Variants in SCAPER observed in about 807,000 individuals in gnomAD.
SCAPER encodes S-phase cyclin A associated protein in the ER, also known as S phase cyclin A-associated protein in the endoplasmic reticulum.
SCAPER carries 98 observed loss-of-function variants against 182.2 expected under a neutral mutation model. The ratio of observed to expected loss-of-function variants is 0.54; its 90% confidence interval spans 0.46 to 0.64. The LOEUF is 0.64. Ranked by LOEUF, SCAPER falls within the 30% of genes least tolerant of loss-of-function variation. SCAPER has a pLI of 0.00. For missense variants in SCAPER, 1,432 were observed against 1,690.0 expected, an observed-to-expected ratio of 0.85 and a Z score of 2.68; for synonymous variants, 605 against 564.6, an observed-to-expected ratio of 1.07 and a Z score of -1.01.
chr15:76,890,835 T>C (rs1302255731), intron 1 of SCAPER, among the ~76,000 whole-genome samples: 3 of 152,228 alleles, frequency 2.0e-5, no homozygotes, highest in Non-Finnish European at 4.4e-5. Context: ...AGCATCATCC[T>C]GATACCAAAG....
intron 24 of SCAPER, among the ~76,000 whole-genome samples, chr15:76,478,645 G>T (rs145276581): frequency 6.6e-4 from 100 of 152,148 alleles, no homozygotes; most frequent in African/African-American, 2.2e-3. Context: ...ACAGGAGCCC[G>T]AATTTATTTT....
rs1316004052 is a variant in SCAPER, at chr15:76,404,537, C to A, written c.3454G>T (p.Ala1152Ser). The change falls in exon 27 of 32, where the codon GCT becomes TCT. Residue 1152 changes from alanine to serine, a missense_variant. Physicochemically the swap from Ala to Ser is moderately conservative, Grantham distance 99 (BLOSUM62 1). Transcript: ENST00000563290. The stretch of plus-strand genomic sequence containing the variant: ...TAGATGCCTTACCTTCCAGTGACAG[C>A]AAAGCACAGTGTACACATTGCATGT... The part of the protein sequence containing the change: ...LLHAMCTLCF[A>S]VTGRSYSIFD... The A allele has an allele frequency of 6.2e-7, 1 of 1,605,626 alleles. No homozygotes were observed. The highest frequency in any genetic ancestry group is 2.2e-5 in the East Asian group (1 of 44,644).
chr15:76,617,501 C>A (rs911073818), intron 22 of SCAPER, among the ~76,000 whole-genome samples: 11 of 152,296 alleles, frequency 7.2e-5, no homozygotes, highest in Middle Eastern at 3.4e-3. Flanking sequence ...CTAGATAATT[C>A]TTCTCGTCTC....
chr15:76,639,173 A>G (rs1385610685), intron 21 of SCAPER, among the ~76,000 whole-genome samples: 1 of 152,346 alleles, frequency 6.6e-6, no homozygotes, highest in African/African-American at 2.4e-5. Context: ...AGTCAAACCT[A>G]TACCTATAAT....
intron 25 of SCAPER, among the ~76,000 whole-genome samples, chr15:76,459,419 T>G (rs2048983518): frequency 6.6e-6 from 1 of 152,200 alleles, no homozygotes; most frequent in Non-Finnish European, 1.5e-5. Flanking sequence ...ATTGTGATTT[T>G]GATTTGCATT....
chr15:76,532,571 C>A (rs2043772255), intron 23 of SCAPER, among the ~76,000 whole-genome samples: 1 of 152,138 alleles, frequency 6.6e-6, no homozygotes, highest in African/African-American at 2.4e-5. Context: ...TTTCACTCAT[C>A]AATTTTTCTA....
intron 16 of SCAPER, among the ~76,000 whole-genome samples, chr15:76,729,325 C>CAT (rs1555558745): frequency 6.7e-6 from 1 of 149,922 alleles, no homozygotes; most frequent in Non-Finnish European, 1.5e-5. Context: ...CACACACACA[C>CAT]ATATACATAT....
chr15:76,435,895 G>C (rs2047168838), intron 25 of SCAPER, among the ~76,000 whole-genome samples: 1 of 152,116 alleles, frequency 6.6e-6, no homozygotes, highest in African/African-American at 2.4e-5. Context: ...CAGAAACTTA[G>C]AATCTTCTTA....
chr15:76,702,901 G>A lies in SCAPER; in HGVS notation c.2349C>T (p.Pro783=), dbSNP rs2059038162. ...SGRHANTDYA[P]KLTPYERKKQ... is the part of the protein sequence containing the mutation. Reference sequence around the variant, plus strand: ...TCTTTCTTTCATAAGGGGTCAGTTTGGGGGCATAATCAGTATTTGCATGTC... The same window carrying A: ...TCTTTCTTTCATAAGGGGTCAGTTTAGGGGCATAATCAGTATTTGCATGTC... Residue 783 remains proline, a synonymous_variant, in exon 19 of 32, where the codon CCC becomes CCT. Coordinates refer to ENST00000563290, the MANE Select transcript of SCAPER (RefSeq NM_020843.4). 6.2e-7 allele frequency: 1 copy of A among 1,610,910 alleles called. No individual in the cohort carries two copies. Among genetic ancestry groups the A allele is most frequent in the East Asian group, 2.2e-5 (1 of 44,748 alleles).
intron 25 of SCAPER, among the ~76,000 whole-genome samples, chr15:76,450,609 A>G (rs1179130534): frequency 6.6e-6 from 1 of 152,206 alleles, no homozygotes; most frequent in African/African-American, 2.4e-5. Context: ...GCTGGAGTGC[A>G]GTAGCCCAAT....
intron 23 of SCAPER, among the ~76,000 whole-genome samples, chr15:76,540,169 A>G (rs1375419672): frequency 6.6e-6 from 1 of 152,192 alleles, no homozygotes; most frequent in Non-Finnish European, 1.5e-5. Context: ...TAAATCATGA[A>G]GTGGGAGGAT....
intron 21 of SCAPER, among the ~76,000 whole-genome samples, chr15:76,630,380 G>C (rs2052996289): frequency 6.6e-6 from 1 of 151,940 alleles, no homozygotes; most frequent in Non-Finnish European, 1.5e-5. Context: ...AGTTCTTTTA[G>C]TTGTAATGTT....
chr15:76,819,082 G>C (rs985025650), intron 5 of SCAPER, among the ~76,000 whole-genome samples: 2 of 152,198 alleles, frequency 1.3e-5, no homozygotes, highest in African/African-American at 2.4e-5. Flanking sequence ...TAAACAAAGC[G>C]GCCAGGAAGC....
intron 1 of SCAPER, among the ~76,000 whole-genome samples, chr15:76,885,767 G>A (rs921075386): frequency 1.3e-5 from 2 of 152,300 alleles, no homozygotes; most frequent in East Asian, 1.9e-4. Context: ...TTAAAGGCAT[G>A]TGCCACCATG....
chr15:76,348,702 C>A lies in SCAPER; in HGVS notation c.4134G>T (p.Leu1378=). ...AGGCCTGCTGAGGAAATCTGTTAGC[C>A]AGCTCAAGATAGTCTTGGGAACCAA... ...KCLGSQDYLE[L]ANRFPQQAWE... is the part of the protein sequence containing the mutation. Residue 1378 remains leucine (L), a synonymous_variant, in exon 32 of 32, where the codon CTG becomes CTT. Transcript: ENST00000563290. 1 of 1,556,856 alleles carries A rather than the reference C, an allele frequency of 6.4e-7. No homozygotes were observed. Among genetic ancestry groups the A allele is most frequent in the South Asian group, 1.2e-5 (1 of 83,474 alleles).
intron 15 of SCAPER, among the ~76,000 whole-genome samples, chr15:76,740,606 A>G (rs918549090): frequency 6.6e-5 from 10 of 152,300 alleles, no homozygotes; most frequent in South Asian, 4.1e-4. Context: ...AATCATAAAT[A>G]TGATCTCAAA....
At chr15:76,687,437 T>A (rs2058092623) in intron 20 of SCAPER, among the ~76,000 whole-genome samples, 1 of 152,164 alleles carries the variant, frequency 6.6e-6, no homozygotes, top group Non-Finnish European at 1.5e-5. Context: ...ATTGGCAACA[T>A]ATACTCTTTT....
chr15:76,612,810 T>C (rs1047875012), intron 22 of SCAPER, among the ~76,000 whole-genome samples: 4 of 152,196 alleles, frequency 2.6e-5, no homozygotes, highest in Non-Finnish European at 5.9e-5. Context: ...TGCTCATGGA[T>C]AGGAAGACTC....
At chr15:76,473,565 A>G (rs1270052260) in intron 24 of SCAPER, among the ~76,000 whole-genome samples, 2 of 152,158 alleles carry the variant, frequency 1.3e-5, no homozygotes, top group Non-Finnish European at 2.9e-5. Flanking sequence ...AGTCCCTTAC[A>G]ACCAAGTCTC....
Sources: allele counts gnomAD v4.1 joint callset (sites outside exome capture counted in the v4.1 genomes callset), GRCh38; gene constraint gnomAD v4.1.1; transcripts MANE v1.5; gene names NCBI Gene and HGNC (gene_info 2026-07-23, HGNC 2026-07-21).